Variants in UQCC2 observed in about 807,000 individuals in gnomAD.
UQCC2 encodes ubiquinol-cytochrome c reductase complex assembly factor 2.
UQCC2 carries 21 observed loss-of-function variants against 19.9 expected under a neutral mutation model. The observed-to-expected ratio is 1.05, with a 90% CI of 0.75 to 1.52. UQCC2 has a LOEUF of 1.52. Among genes scored for constraint, UQCC2 ranks in the 40% most tolerant of loss-of-function variants. UQCC2 has a pLI of 0.00. For synonymous variants in UQCC2, 57 were observed against 60.9 expected (o/e 0.94, Z 0.30); for missense variants, 135 against 157.5 (o/e 0.86, Z 0.76).
chr6:33,711,613 C>T lies in UQCC2; in HGVS notation c.74G>A (p.Arg25Gln), dbSNP rs768491462. Residue 25 changes from arginine (R) to glutamine (Q), a missense_variant, in exon 1 of 4, where the codon CGG (arginine) becomes CAG (glutamine). Physicochemically the swap from Arg to Gln is conservative, Grantham distance 43. Coordinates refer to ENST00000607484, the MANE Select transcript of UQCC2 (RefSeq NM_032340.4). ...CTGTCGCAGGTAAGCGCCCAAGTCC[C>T]GGCCCCGTTTGGTCTCGTCCACTGG... ...EWPVDETKRG[R>Q]DLGAYLRQRV... 6.2e-7 allele frequency: 1 copy of T among 1,614,012 alleles called. No individual in the cohort carries two copies. The highest frequency in any genetic ancestry group is 1.7e-5 in the Admixed American group (1 of 60,004).
At chr6:33,703,721 A>C (rs572858673) in intron 1 of UQCC2, among the ~76,000 whole-genome samples, 2 of 152,164 alleles carry the variant, frequency 1.3e-5, no homozygotes, top group Non-Finnish European at 2.9e-5. Flanking sequence ...TAGGAGCATA[A>C]TGCCCCTTCA....
intron 1 of UQCC2, among the ~76,000 whole-genome samples, chr6:33,702,307 C>G (rs1765649920): frequency 6.6e-6 from 1 of 151,418 alleles, no homozygotes; most frequent in African/African-American, 2.4e-5. Flanking sequence ...CATGCCCGGC[C>G]TCAGACCAAC....
chr6:33,704,378 C>A (rs1036798048), intron 1 of UQCC2, among the ~76,000 whole-genome samples: 1 of 152,200 alleles, frequency 6.6e-6, no homozygotes, highest in Admixed American at 6.5e-5. Context: ...CCAGGTGGAG[C>A]CCGTGCCCAG....
chr6:33,701,527 G>A, intron 1 of UQCC2, 107 bp from the exon 2 acceptor site: 1 of 1,097,414 alleles, frequency 9.1e-7, no homozygotes, highest in Non-Finnish European at 1.3e-6. Context: ...CATGAAGCAG[G>A]CCTGCAGCTA....
In UQCC2 at chr6:33,711,462, C is replaced by A. The variant is rs7759182; in HGVS notation, c.138+87G>T. 38,505 of 1,490,650 alleles carry A rather than the reference C, an allele frequency of 0.026. 894 individuals are homozygous for A. The highest frequency in any genetic ancestry group is 0.12 in the African/African-American group (8,304 of 70,634). The allele number at this position is 1,490,650 out of a possible 1,614,324, so 92.3% of individuals were successfully genotyped here. A position where few individuals can be genotyped will look rare whatever the true frequency, so the allele number is the denominator to read the frequency against. On this transcript the variant is annotated intron_variant, in intron 1 of 3. Coordinates refer to ENST00000607484, the MANE Select transcript of UQCC2 (RefSeq NM_032340.4). ...TGCCTGGAAAGAGGGCGCGCGCATG[C>A]GCAGATCCCCCTGCTAGCGCGCTCG... is the stretch of plus-strand genomic sequence containing the variant.
At chr6:33,709,602 C>A (rs1321742571) in intron 1 of UQCC2, among the ~76,000 whole-genome samples, 1 of 152,100 alleles carries the variant, frequency 6.6e-6, no homozygotes, top group Non-Finnish European at 1.5e-5. Context: ...ACACTTTGGG[C>A]CAGTGAAGAC....
intron 1 of UQCC2, among the ~76,000 whole-genome samples, chr6:33,707,217 T>G (rs1425878493): frequency 6.6e-6 from 1 of 152,230 alleles, no homozygotes; most frequent in Non-Finnish European, 1.5e-5. Context: ...TATTCCCTCT[T>G]AGAGATGATT....
chr6:33,708,873 T>C (rs1484600293), intron 1 of UQCC2, among the ~76,000 whole-genome samples: 3 of 152,148 alleles, frequency 2.0e-5, no homozygotes, highest in Non-Finnish European at 4.4e-5. Flanking sequence ...TCAGGTGACA[T>C]TAGGATGAGG....
At chr6:33,697,914 A>G in intron 3 of UQCC2, 164 bp from the exon 4 acceptor site, 1 of 611,504 alleles carries the variant, frequency 1.6e-6, no homozygotes, top group Non-Finnish European at 2.9e-6. Flanking sequence ...CAAACAGGTA[A>G]CAGAAGTGAC....
rs1423426744 is a variant in UQCC2, at chr6:33,701,333, G to A, written c.213+13C>T. 2 of 1,609,140 alleles carry A rather than the reference G, an allele frequency of 1.2e-6. No homozygotes were observed. The highest frequency in any genetic ancestry group is 1.7e-5 in the Admixed American group (1 of 59,044). ...CAGAAAGCTGGGTATATAAAAGACTGTGGCCCACTCACCTTGTGTTTGTAG... is the reference window on the plus strand; with the variant it reads ...CAGAAAGCTGGGTATATAAAAGACTATGGCCCACTCACCTTGTGTTTGTAG... On this transcript the variant is annotated intron_variant, in intron 2 of 3. Coordinates refer to ENST00000607484, the MANE Select transcript of UQCC2 (RefSeq NM_032340.4).
At chr6:33,698,037 T>A in intron 3 of UQCC2, 4 of 413,900 alleles carry the variant, frequency 9.7e-6, no homozygotes, top group Non-Finnish European at 1.8e-5. Flanking sequence ...CTCGTTGCCC[T>A]GCTCCGTATG....
At chr6:33,705,266 T>C (rs1416753499) in intron 1 of UQCC2, among the ~76,000 whole-genome samples, 2 of 151,994 alleles carry the variant, frequency 1.3e-5, no homozygotes, top group African/African-American at 2.4e-5. Context: ...CTCCTGACCT[T>C]GTGATCCGCC....
chr6:33,700,262 C>A (rs1029276907), intron 3 of UQCC2, among the ~76,000 whole-genome samples, 182 bp downstream of exon 3: 1 of 152,184 alleles, frequency 6.6e-6, no homozygotes, highest in Non-Finnish European at 1.5e-5. Flanking sequence ...TTAAATAACG[C>A]CTTTGACCTT....
Position 33,697,659 on chromosome 6 carries a change from C to T in UQCC2, c.375G>A (p.Lys125=). The change falls in exon 4 of 4, where the codon AAG becomes AAA. Residue 125 remains lysine (K), a synonymous_variant. Transcript: ENST00000607484. ...FAPKGPEEDH[K]A ...CACGAGGTAAGGCCTGAGCTCAGGC[C>T]TTATGATCCTCCTCAGGACCCTTGG... The T allele has an allele frequency of 6.2e-7, 1 of 1,612,930 alleles. No homozygotes were observed. The highest frequency in any genetic ancestry group is 1.1e-5 in the South Asian group (1 of 91,012).
intron 1 of UQCC2, 47 bp from the exon 2 acceptor site, chr6:33,701,467 TC>T: frequency 6.3e-7 from 1 of 1,576,550 alleles, no homozygotes; most frequent in Non-Finnish European, 8.7e-7. Context: ...GAGTCCTGCC[TC>T]CCACAGTGTC....
At chr6:33,711,417 G>A (rs1019909020) in intron 1 of UQCC2, 132 bp downstream of exon 1, 122 of 1,316,566 alleles carry the variant, frequency 9.3e-5, no homozygotes, top group Non-Finnish European at 1.2e-4. Flanking sequence ...GGGGGAAAAA[G>A]GGGGTCCGCG....
chr6:33,700,004 A>C (rs117161092), intron 3 of UQCC2, among the ~76,000 whole-genome samples: 1 of 152,190 alleles, frequency 6.6e-6, no homozygotes, highest in Admixed American at 6.5e-5. Flanking sequence ...AGTTAAACTC[A>C]TATCTAACCC....
rs1207632233 is a variant in UQCC2, at chr6:33,697,765, G to A, written c.284-15C>T. 8 of 1,600,460 alleles carry A rather than the reference G, an allele frequency of 5.0e-6. No individual in the cohort carries two copies. In the Admixed American group the frequency reaches 5.2e-5, roughly 10 times the overall value. ...TTCCAAGGTGTCTGCAAAAGGGGAA[G>A]ACAAAAAGAGAGAGGGACTGAAGTC... On this transcript the variant is annotated splice_polypyrimidine_tract_variant and intron_variant, in intron 3 of 3. Transcript: ENST00000607484.
chr6:33,702,336 C>CAA (rs10947431), intron 1 of UQCC2, among the ~76,000 whole-genome samples: 3,258 of 130,254 alleles, frequency 0.025, 40 homozygotes, highest in South Asian at 0.054. Context: ...TTAGCAAAGG[C>CAA]AAAAAAAAAA....
Sources: allele counts gnomAD v4.1 joint callset (sites outside exome capture counted in the v4.1 genomes callset), GRCh38; gene constraint gnomAD v4.1.1; transcripts MANE v1.5; gene names NCBI Gene and HGNC (gene_info 2026-07-23, HGNC 2026-07-21).